Variants in SDK1 observed in about 807,000 individuals in gnomAD.
SDK1 encodes the protein protein sidekick-1.
SDK1 carries 157 observed loss-of-function variants against 245.5 expected under a neutral mutation model. The observed-to-expected ratio is 0.64, with a 90% confidence interval of 0.56 to 0.73. The LOEUF is 0.73. Among genes scored for constraint, SDK1 ranks in the 30% least tolerant of loss-of-function variants. The probability of loss-of-function intolerance (pLI) is 0.00; values close to 1 mark genes in which losing one functional copy is unlikely to be tolerated. For missense variants in SDK1, 3,583 were observed against 3,002.3 expected (o/e 1.19, Z -4.52); for synonymous variants, 1,647 against 1,278.5 (o/e 1.29, Z -6.15).
In SDK1 at chr7:3,351,251, C is replaced by T. The variant is rs185952852; in HGVS notation, c.298+49367C>T. 4.2e-3 allele frequency among the ~76,000 whole-genome samples: 638 copies of T among 152,062 alleles called. 7 individuals carry two copies. Among genetic ancestry groups the T allele is most frequent in the South Asian group, 0.018 (86 of 4,804 alleles). ...CCTATGTTTTGCTTTCAACTAGAAG[C>T]ATGAGAATTTAGGAAAGTTATATTG... On this transcript the variant is annotated intron_variant, in intron 1 of 44. Coordinates refer to ENST00000404826, the MANE Select transcript of SDK1 (RefSeq NM_152744.4).
intron 20 of SDK1, among the ~76,000 whole-genome samples, chr7:4,071,585 T>C (rs1780260357): frequency 6.6e-6 from 1 of 152,206 alleles, no homozygotes; most frequent in Non-Finnish European, 1.5e-5. Flanking sequence ...GGGAGGGCAC[T>C]ATAGACTGCA....
At chr7:3,553,339 C>T (rs1779475282) in intron 1 of SDK1, among the ~76,000 whole-genome samples, 2 of 152,118 alleles carry the variant, frequency 1.3e-5, no homozygotes, top group African/African-American at 2.4e-5. Context: ...CTAGCTTGGA[C>T]AAAATGGCAC....
At chr7:3,938,077 T>G (rs1186546531) in intron 5 of SDK1, among the ~76,000 whole-genome samples, 4 of 152,134 alleles carry the variant, frequency 2.6e-5, no homozygotes, top group African/African-American at 7.2e-5. Flanking sequence ...CCTCAGGCGA[T>G]CCACCTGCCT....
chr7:3,939,367 G>A (rs77503853), intron 5 of SDK1, among the ~76,000 whole-genome samples: 185 of 152,368 alleles, frequency 1.2e-3, no homozygotes, highest in African/African-American at 4.4e-3. Context: ...ACTCAGAAAT[G>A]TATAAACCAG....
intron 5 of SDK1, among the ~76,000 whole-genome samples, chr7:3,860,113 G>A (rs1485441484): frequency 2.0e-5 from 3 of 151,986 alleles, no homozygotes; most frequent in East Asian, 1.9e-4. Flanking sequence ...GTAGGGTCGG[G>A]GTTTCACCAA....
chr7:3,480,212 A>G lies in SDK1; in HGVS notation c.299-138868A>G, dbSNP rs117085684. Among the ~76,000 whole-genome samples, 95 of 152,336 alleles carry G rather than the reference A, an allele frequency of 6.2e-4. 1 individual carries two copies. The East Asian group carries it at 0.018, about 29-fold the overall frequency. On this transcript the variant is annotated intron_variant, in intron 1 of 44. Transcript: ENST00000404826. Reference sequence around the variant, plus strand: ...GTAGGCAGAAGAAGAGTGGTGTGACATGAGAAGGATTCAGCAGGTCATTGC... The same window carrying G: ...GTAGGCAGAAGAAGAGTGGTGTGACGTGAGAAGGATTCAGCAGGTCATTGC...
At chr7:3,899,009 C>G (rs1583530014) in intron 5 of SDK1, among the ~76,000 whole-genome samples, 1 of 152,190 alleles carries the variant, frequency 6.6e-6, no homozygotes. Context: ...CCATATCTAC[C>G]TCATTTTATT....
At chr7:4,078,744 C>T (rs1300484971) in intron 21 of SDK1, among the ~76,000 whole-genome samples, 4 of 152,156 alleles carry the variant, frequency 2.6e-5, no homozygotes, top group Admixed American at 6.5e-5. Flanking sequence ...CTTTGGGGAG[C>T]GGCATCTGAA....
chr7:3,670,699 T>A (rs962806922), intron 4 of SDK1, among the ~76,000 whole-genome samples: 2 of 152,190 alleles, frequency 1.3e-5, no homozygotes, highest in Admixed American at 6.5e-5. Context: ...TTATACAGGA[T>A]ACCCACCCGC....
chr7:4,024,244 C>T (rs80111519), intron 17 of SDK1, among the ~76,000 whole-genome samples: 2,437 of 152,286 alleles, frequency 0.016, 62 homozygotes, highest in African/African-American at 0.056. Flanking sequence ...TAAATGTTCA[C>T]TTGGGCTTTG....
chr7:3,911,220 G>A (rs981355822), intron 5 of SDK1, among the ~76,000 whole-genome samples: 1 of 152,206 alleles, frequency 6.6e-6, no homozygotes, highest in East Asian at 1.9e-4. Flanking sequence ...CCTTCTGCCT[G>A]TGAAATGGCT....
At position 4,260,532 on chromosome 7, in the gene SDK1, G is replaced by A. The variant is rs571049225; in HGVS notation, c.6382-4592G>A. 5.5e-4 allele frequency among the ~76,000 whole-genome samples: 74 copies of A among 133,734 alleles called. 1 individual carries two copies. The highest frequency in any genetic ancestry group is 1.8e-4 in the Non-Finnish European group (11 of 62,554). The allele number at this position is 133,734 out of a possible 152,430, so 87.7% of individuals were successfully genotyped here. A position where few individuals can be genotyped will look rare whatever the true frequency, so the allele number is the denominator to read the frequency against. ...GCTGGCTGCTCCGGGGTCTCTGTGT[G>A]TGGGAAGATGTGTTCATCGTCACCT... On this transcript the variant is annotated intron_variant, in intron 44 of 44. Coordinates refer to ENST00000404826, the MANE Select transcript of SDK1 (RefSeq NM_152744.4).
At chr7:3,320,270 T>C (rs539535969) in intron 1 of SDK1, among the ~76,000 whole-genome samples, 2 of 112,246 alleles carry the variant, frequency 1.8e-5, no homozygotes, top group South Asian at 2.8e-4. Flanking sequence ...AGTTACAGCT[T>C]TTTTTTTCTA....
intron 17 of SDK1, among the ~76,000 whole-genome samples, chr7:4,048,929 C>G (rs1021429695): frequency 9.9e-5 from 15 of 152,192 alleles, no homozygotes; most frequent in African/African-American, 3.6e-4. Flanking sequence ...CCCCACCCCC[C>G]GCCTCAATGT....
At chr7:3,870,047 T>G (rs1780919373) in intron 5 of SDK1, among the ~76,000 whole-genome samples, 1 of 152,218 alleles carries the variant, frequency 6.6e-6, no homozygotes, top group Non-Finnish European at 1.5e-5. Context: ...GTTCTGTCAT[T>G]GCATCATTAA....
intron 4 of SDK1, among the ~76,000 whole-genome samples, chr7:3,761,074 G>T (rs921387144): frequency 2.0e-5 from 3 of 152,166 alleles, no homozygotes; most frequent in African/African-American, 7.2e-5. Flanking sequence ...GAGTGGGTCA[G>T]ATAAGTATGT....
At chr7:4,236,692 G>A (rs1233379365) in intron 41 of SDK1, among the ~76,000 whole-genome samples, 3 of 152,052 alleles carry the variant, frequency 2.0e-5, no homozygotes, top group Non-Finnish European at 2.9e-5. Context: ...TCTATCGGAG[G>A]AAGACCTCTC....
intron 14 of SDK1, among the ~76,000 whole-genome samples, chr7:3,987,643 C>T (rs983391206): frequency 1.3e-5 from 2 of 152,148 alleles, no homozygotes; most frequent in African/African-American, 4.8e-5. Context: ...CAATGCCTGC[C>T]ACCTGGGTGA....
chr7:3,588,491 C>T (rs771043232), intron 1 of SDK1, among the ~76,000 whole-genome samples: 4 of 152,160 alleles, frequency 2.6e-5, no homozygotes, highest in Admixed American at 6.5e-5. Context: ...TTTAGTTTTT[C>T]TTCTGTGAGG....
Sources: gnomAD v4.1 joint callset for allele counts (sites outside exome capture counted in the v4.1 genomes callset) on GRCh38, gnomAD v4.1.1 for gene constraint, MANE v1.5 for transcripts, NCBI Gene and HGNC (gene_info 2026-07-23, HGNC 2026-07-21) for gene names.